INSR: variants seen among roughly 807,000 people sequenced by gnomAD.
The protein encoded by INSR is IR.
A neutral mutation model predicts 142.6 loss-of-function variants in INSR; 67 were observed. The observed-to-expected ratio is 0.47, with a 90% CI of 0.39 to 0.58. The LOEUF (loss-of-function observed/expected upper bound fraction) is 0.58, where lower values mean the gene tolerates loss of function less well. INSR is among the 20% of genes least tolerant of loss of function. The pLI, the probability that INSR is intolerant of heterozygous loss-of-function variation, is 0.00. For missense variants in INSR, 1,248 were observed against 1,833.2 expected, an observed-to-expected ratio of 0.68 and a Z score of 5.83; for synonymous variants, 756 against 743.1, an observed-to-expected ratio of 1.02 and a Z score of -0.28.
chr19:7,124,927 G>A (rs1387145700), intron 17 of INSR, among the ~76,000 whole-genome samples: 5 of 151,802 alleles, frequency 3.3e-5, no homozygotes, highest in Admixed American at 1.3e-4. Flanking sequence ...GCAAGAAATG[G>A]AAGAGTCTAA....
intron 2 of INSR, among the ~76,000 whole-genome samples, chr19:7,244,803 A>G (rs531221345): frequency 6.6e-6 from 1 of 152,326 alleles, no homozygotes; most frequent in African/African-American, 2.4e-5. Context: ...AGCCTCAAAG[A>G]ACATGTTTAT....
intron 1 of INSR, among the ~76,000 whole-genome samples, chr19:7,283,435 TGTTTG>T (rs979088411): frequency 3.0e-4 from 46 of 152,158 alleles, no homozygotes; most frequent in African/African-American, 8.2e-4. Flanking sequence ...CCCACAGTTT[TGTTTG>T]GTTTGGTTTG....
At chr19:7,158,362 G>A (rs578126743) in intron 9 of INSR, among the ~76,000 whole-genome samples, 21 of 152,132 alleles carry the variant, frequency 1.4e-4, no homozygotes, top group East Asian at 7.8e-4. Context: ...TTAGCCGGGC[G>A]TGGTGGCGGG....
chr19:7,221,709 G>GAA (rs200900445), intron 2 of INSR, among the ~76,000 whole-genome samples: 143 of 137,698 alleles, frequency 1.0e-3, no homozygotes, highest in Non-Finnish European at 1.2e-3. Flanking sequence ...TTCCATCTCA[G>GAA]AAAAAAAAAA....
intron 9 of INSR, among the ~76,000 whole-genome samples, chr19:7,158,089 ATTT>A (rs1455754223): frequency 1.6e-4 from 21 of 133,510 alleles, no homozygotes; most frequent in African/African-American, 5.6e-4. Flanking sequence ...TATTATTATT[ATTT>A]GGAGAGGAAG....
chr19:7,179,935 C>T (rs971309075), intron 3 of INSR, among the ~76,000 whole-genome samples: 1 of 152,140 alleles, frequency 6.6e-6, no homozygotes, highest in African/African-American at 2.4e-5. Context: ...TATTTGCAAA[C>T]GTGATACAAG....
intron 1 of INSR, among the ~76,000 whole-genome samples, chr19:7,276,753 C>T (rs186808009): frequency 7.6e-4 from 116 of 152,070 alleles, no homozygotes; most frequent in Middle Eastern, 6.8e-3. Context: ...ATTTTTGAGA[C>T]GGAGTCTCAC....
At chr19:7,201,539 C>T (rs1037509658) in intron 2 of INSR, among the ~76,000 whole-genome samples, 22 of 151,288 alleles carry the variant, frequency 1.5e-4, no homozygotes, top group African/African-American at 4.8e-4. Context: ...GCAGGAGAAT[C>T]GCTTGAACCC....
At position 7,160,257 on chromosome 19, in the gene INSR, C is replaced by A. The variant is rs932686665; in HGVS notation, c.2029+2775G>T. Among the ~76,000 whole-genome samples, 9 of 152,196 alleles carry A rather than the reference C, an allele frequency of 5.9e-5. No homozygotes were observed. The South Asian group carries it at 1.7e-3, about 28-fold the overall frequency. The stretch of plus-strand genomic sequence containing the variant: ...GCAACCTCCACCTCCCGGGTTCAAG[C>A]GATTCTTCTGCCTCAGCCTCCTGAG... On this transcript the variant is annotated intron_variant, in intron 9 of 21. Transcript: ENST00000302850.
intron 2 of INSR, among the ~76,000 whole-genome samples, chr19:7,197,816 G>A (rs931074810): frequency 7.3e-5 from 8 of 109,656 alleles, no homozygotes; most frequent in Non-Finnish European, 1.3e-4. Context: ...GTGGGAGAGA[G>A]AGCGAGAGAG....
At chr19:7,229,939 T>G (rs1390854117) in intron 2 of INSR, among the ~76,000 whole-genome samples, 1 of 151,976 alleles carries the variant, frequency 6.6e-6, no homozygotes, top group Non-Finnish European at 1.5e-5. Flanking sequence ...CTAATTTTTC[T>G]TTTTCTTTTT....
intron 2 of INSR, among the ~76,000 whole-genome samples, chr19:7,203,057 A>C (rs1180826567): frequency 6.7e-6 from 1 of 148,920 alleles, no homozygotes; most frequent in Non-Finnish European, 1.5e-5. Context: ...TTCCAAGAGC[A>C]CTTTAAAATG....
chr19:7,202,996 G>GTTTTTTTTTTTTTTTTT (rs371572449), intron 2 of INSR, among the ~76,000 whole-genome samples: 2 of 67,774 alleles, frequency 3.0e-5, no homozygotes, highest in East Asian at 6.5e-4. Flanking sequence ...GGGTTTTGTT[G>GTTTTTTTTTTTTTTTTT]TTTTTTTTTT....
chr19:7,121,622 A>T (rs984701327), intron 19 of INSR, among the ~76,000 whole-genome samples: 1 of 151,942 alleles, frequency 6.6e-6, no homozygotes, highest in Non-Finnish European at 1.5e-5. Flanking sequence ...GTGCACCACC[A>T]CACCCCACTT....
chr19:7,197,918 A>AGAGTGTGTGT (rs1469853992), intron 2 of INSR, among the ~76,000 whole-genome samples: 4 of 100,298 alleles, frequency 4.0e-5, no homozygotes, highest in South Asian at 6.8e-4. Flanking sequence ...CCAGAGTGAG[A>AGAGTGTGTGT]GTGTGTGTGT....
At chr19:7,177,090 TG>T (rs1974151369) in intron 3 of INSR, among the ~76,000 whole-genome samples, 1 of 152,164 alleles carries the variant, frequency 6.6e-6, no homozygotes, top group African/African-American at 2.4e-5. Flanking sequence ...AGGAGTCCTT[TG>T]GGAACCAGTC....
chr19:7,214,895 CCTTT>C (rs1232949665), intron 2 of INSR, among the ~76,000 whole-genome samples: 7 of 148,196 alleles, frequency 4.7e-5, no homozygotes, highest in Non-Finnish European at 9.0e-5. Flanking sequence ...TTGTTCCCTC[CCTTT>C]TTTTTCCTTC....
intron 8 of INSR, among the ~76,000 whole-genome samples, chr19:7,163,767 T>C (rs1462153944): frequency 1.3e-5 from 2 of 151,154 alleles, no homozygotes; most frequent in Non-Finnish European, 3.0e-5. Context: ...CTGAAGAAGA[T>C]AGGGTTGATT....
chr19:7,274,140 T>C (rs1025922110), intron 1 of INSR, among the ~76,000 whole-genome samples: 10 of 150,912 alleles, frequency 6.6e-5, no homozygotes, highest in Non-Finnish European at 1.3e-4. Context: ...ACGGGATGGG[T>C]GGTGATGGTT....
Sources: allele counts gnomAD v4.1 joint callset (sites outside exome capture counted in the v4.1 genomes callset), GRCh38; gene constraint gnomAD v4.1.1; transcripts MANE v1.5; gene names NCBI Gene and HGNC (gene_info 2026-07-23, HGNC 2026-07-21).